ARID1B: variants seen among roughly 807,000 people sequenced by gnomAD.
ARID1B encodes AT-rich interactive domain-containing protein 1B.
In ARID1B, 30 loss-of-function variants were observed where a neutral mutation model predicts 212.3. The ratio of observed to expected loss-of-function variants is 0.14; its 90% CI spans 0.11 to 0.19. The LOEUF (loss-of-function observed/expected upper bound fraction) is 0.19, where lower values mean the gene tolerates loss of function less well. Ranked by LOEUF, ARID1B falls within the 10% of genes least tolerant of loss-of-function variation. ARID1B has a pLI of 1.00. For synonymous variants in ARID1B, 1,402 were observed against 1,301.7 expected, an observed-to-expected ratio of 1.08 and a Z score of -1.66; for missense variants, 2,891 against 3,204.0, an observed-to-expected ratio of 0.90 and a Z score of 2.36.
chr6:157,196,410 G>A (rs2128358666), intron 16 of ARID1B, 95 bp downstream of exon 16: 1 of 1,437,516 alleles, frequency 7.0e-7, no homozygotes, highest in African/African-American at 1.4e-5. Flanking sequence ...AGCCACTGAT[G>A]ACAATATACA....
At chr6:156,899,379 C>G (rs1467775478) in intron 2 of ARID1B, among the ~76,000 whole-genome samples, 1 of 152,230 alleles carries the variant, frequency 6.6e-6, no homozygotes, top group African/African-American at 2.4e-5. Flanking sequence ...GGCCCCAGGT[C>G]TCAGGGAGAG....
intron 4 of ARID1B, among the ~76,000 whole-genome samples, chr6:157,009,626 A>G (rs1779446305): frequency 6.6e-6 from 1 of 152,266 alleles, no homozygotes; most frequent in African/African-American, 2.4e-5. Flanking sequence ...GTCATAGCTA[A>G]TATGACGCAA....
chr6:157,012,151 A>G (rs1779651971), intron 4 of ARID1B, among the ~76,000 whole-genome samples: 1 of 152,266 alleles, frequency 6.6e-6, no homozygotes, highest in African/African-American at 2.4e-5. Flanking sequence ...TTCTTCTGAA[A>G]GAACTGCAGG....
At chr6:156,973,730 C>T (rs925986869) in intron 4 of ARID1B, among the ~76,000 whole-genome samples, 2 of 152,152 alleles carry the variant, frequency 1.3e-5, no homozygotes, top group African/African-American at 2.4e-5. Flanking sequence ...CCACAGGCAA[C>T]GCCCCCACTG....
At chr6:156,936,678 A>AG (rs1190260901) in intron 4 of ARID1B, 37 of 150,090 alleles carry the variant, frequency 2.5e-4, no homozygotes, top group Non-Finnish European at 5.0e-4. Flanking sequence ...AAAAAAAAAA[A>AG]AGAATAAATC....
intron 4 of ARID1B, among the ~76,000 whole-genome samples, chr6:156,982,310 T>C (rs189358623): frequency 8.8e-4 from 134 of 152,312 alleles, no homozygotes; most frequent in African/African-American, 2.8e-3. Context: ...TGTTTCCTGT[T>C]GCTGTGGAGA....
chr6:156,992,779 G>T (rs1213667468), intron 4 of ARID1B, among the ~76,000 whole-genome samples: 2 of 152,160 alleles, frequency 1.3e-5, no homozygotes, highest in African/African-American at 4.8e-5. Context: ...GCACTGTGCG[G>T]TGGGCAACAT....
At position 157,206,272 on chromosome 6, in the gene ARID1B, C is replaced by T; in HGVS notation, c.5500C>T (p.Leu1834Phe). ...AGTGGGAGACCCCAGCCAAAAAGCACTTGATCACAACGCAGCAAGGAAGGA... is the reference window on the plus strand; with the variant it reads ...AGTGGGAGACCCCAGCCAAAAAGCATTTGATCACAACGCAGCAAGGAAGGA... ...YEVGDPSQKA[L>F]DHNAARKDDS... The change falls in exon 20 of 20, where the codon CTT becomes TTT. Residue 1834 changes from leucine to phenylalanine, a missense_variant. Coordinates refer to ENST00000636930, the MANE Select transcript of ARID1B (RefSeq NM_001374828.1). The surrounding 1 kb of genome is among the most constrained non-coding windows in gnomAD (Gnocchi z 6.8). 6.2e-7 allele frequency: 1 copy of T among 1,614,140 alleles called. No individual in the cohort carries two copies. Among genetic ancestry groups the T allele is most frequent in the Non-Finnish European group, 8.5e-7 (1 of 1,180,020 alleles).
At chr6:157,046,724 C>T (rs912589080) in intron 4 of ARID1B, among the ~76,000 whole-genome samples, 1 of 152,088 alleles carries the variant, frequency 6.6e-6, no homozygotes, top group East Asian at 1.9e-4. Flanking sequence ...TGAAGCCAGG[C>T]AAAAATTTTT....
At chr6:156,836,827 G>T (rs570295727) in intron 2 of ARID1B, among the ~76,000 whole-genome samples, 15 of 152,080 alleles carry the variant, frequency 9.9e-5, no homozygotes, top group African/African-American at 3.6e-4. Context: ...ACCACACCCA[G>T]CTAATTTTTA....
At chr6:157,060,189 T>C (rs550332785) in intron 4 of ARID1B, among the ~76,000 whole-genome samples, 5 of 152,254 alleles carry the variant, frequency 3.3e-5, no homozygotes, top group African/African-American at 1.2e-4. Flanking sequence ...GGGAAAACAA[T>C]CCATCAGTCG....
intron 2 of ARID1B, 96 bp from the exon 3 acceptor site, chr6:156,901,280 G>T: frequency 1.4e-6 from 2 of 1,405,526 alleles, no homozygotes; most frequent in Non-Finnish European, 2.0e-6. Flanking sequence ...TTGCTTAGCA[G>T]AGAACCCCCT....
intron 3 of ARID1B, 21 bp downstream of exon 3, chr6:156,901,546 C>T (rs780025756): frequency 4.5e-5 from 72 of 1,606,920 alleles, no homozygotes; most frequent in Admixed American, 1.7e-4. Context: ...TGCACTGCCC[C>T]GCAGGGCCCT....
intron 2 of ARID1B, among the ~76,000 whole-genome samples, chr6:156,836,908 ACTTGC>A (rs72166604): frequency 0.042 from 6,378 of 152,180 alleles, 475 homozygotes; most frequent in African/African-American, 0.15. Flanking sequence ...CAAGCGATCC[ACTTGC>A]CTTGGCCTCC....
intron 4 of ARID1B, among the ~76,000 whole-genome samples, chr6:157,017,041 ACCT>A (rs1779956334): frequency 6.6e-6 from 1 of 152,222 alleles, no homozygotes; most frequent in Admixed American, 6.5e-5. Context: ...AAATAATTCC[ACCT>A]GTTTCCCTTT....
intron 4 of ARID1B, among the ~76,000 whole-genome samples, chr6:157,030,846 C>A (rs1780975177): frequency 6.6e-6 from 1 of 152,162 alleles, no homozygotes; most frequent in Admixed American, 6.5e-5. Flanking sequence ...TGTATAGAGA[C>A]AAGGTTTTAG....
At chr6:157,082,956 T>C (rs1276852203) in intron 4 of ARID1B, among the ~76,000 whole-genome samples, 1 of 152,212 alleles carries the variant, frequency 6.6e-6, no homozygotes, top group Non-Finnish European at 1.5e-5. Flanking sequence ...TAAAGAGAAG[T>C]TAATTATATG....
At chr6:156,826,954 A>G (rs1782783304) in intron 1 of ARID1B, among the ~76,000 whole-genome samples, 1 of 152,076 alleles carries the variant, frequency 6.6e-6, no homozygotes, top group African/African-American at 2.4e-5. Flanking sequence ...TCTGTTCGCT[A>G]CCCATTGTTT....
chr6:157,089,916 C>T (rs1785175272), intron 5 of ARID1B, among the ~76,000 whole-genome samples: 1 of 151,024 alleles, frequency 6.6e-6, no homozygotes, highest in Admixed American at 6.6e-5. Flanking sequence ...TATATCCTAG[C>T]GTTTTTCACT....
Sources: gnomAD v4.1 joint callset for allele counts (sites outside exome capture counted in the v4.1 genomes callset) on GRCh38, gnomAD v4.1.1 for gene constraint, Gnocchi (gnomAD v3.1) non-coding constraint, MANE v1.5 for transcripts, NCBI Gene and HGNC (gene_info 2026-07-23, HGNC 2026-07-21) for gene names.